THSD4: variants seen among roughly 807,000 people sequenced by gnomAD.
THSD4 encodes the protein thrombospondin type-1 domain-containing protein 4.
A neutral mutation model predicts 119.0 loss-of-function variants in THSD4; 69 were observed. That is an observed-to-expected ratio of 0.58 (90% CI 0.48 to 0.71). THSD4 has a LOEUF of 0.71. Ranked by LOEUF, THSD4 falls within the 30% of genes least tolerant of loss-of-function variation. The pLI is 0.00. For synonymous variants in THSD4, 524 were observed against 540.4 expected, an observed-to-expected ratio of 0.97 and a Z score of 0.42; for missense variants, 1,393 against 1,391.1, an observed-to-expected ratio of 1.00 and a Z score of -0.02.
chr15:71,166,693 G>T (rs954830422), intron 3 of THSD4, among the ~76,000 whole-genome samples: 1 of 152,058 alleles, frequency 6.6e-6, no homozygotes, highest in African/African-American at 2.4e-5. Context: ...TGCTCCCCCG[G>T]TGCTTTCCAG....
chr15:71,352,918 C>T (rs2045762392), intron 6 of THSD4, among the ~76,000 whole-genome samples: 1 of 152,232 alleles, frequency 6.6e-6, no homozygotes, highest in Admixed American at 6.5e-5. Context: ...GCATCGTGAG[C>T]AATGGCTCAC....
chr15:71,552,914 A>T (rs150225749), intron 7 of THSD4, among the ~76,000 whole-genome samples: 1 of 152,204 alleles, frequency 6.6e-6, no homozygotes, highest in African/African-American at 2.4e-5. Flanking sequence ...AATTATAGGC[A>T]TGAGCCACCG....
chr15:71,156,726 C>A (rs147226576), intron 3 of THSD4, among the ~76,000 whole-genome samples: 1 of 152,244 alleles, frequency 6.6e-6, no homozygotes, highest in Non-Finnish European at 1.5e-5. Flanking sequence ...TTTTTCTGGG[C>A]CAGGTATAAA....
chr15:71,777,834 T>C lies in THSD4; in HGVS notation c.*460T>C. 5.5e-6 allele frequency: 1 copy of C among 182,520 alleles called. No homozygotes were observed. The highest frequency in any genetic ancestry group is 1.2e-5 in the Non-Finnish European group (1 of 84,428). 11.3% of individuals were successfully genotyped at this position (182,520 alleles called of 1,614,324 possible). A position where few individuals can be genotyped will look rare whatever the true frequency, so the allele number is the denominator to read the frequency against. On this transcript the variant is annotated 3_prime_UTR_variant, in exon 18 of 18. Coordinates refer to ENST00000261862, the MANE Select transcript of THSD4 (RefSeq NM_024817.3). ...CCCCACTAAGCCTTGCTGACACGCG[T>C]GCATCCCTCTGTGACCTCAGCCCAG...
intron 7 of THSD4, among the ~76,000 whole-genome samples, chr15:71,639,844 A>G (rs1257920165): frequency 6.6e-6 from 1 of 152,010 alleles, no homozygotes; most frequent in Non-Finnish European, 1.5e-5. Flanking sequence ...AGCAAAAAAA[A>G]AAAAAAGAAA....
intron 6 of THSD4, among the ~76,000 whole-genome samples, chr15:71,396,260 T>C (rs1004642277): frequency 6.6e-5 from 10 of 151,376 alleles, no homozygotes; most frequent in Admixed American, 5.9e-4. Context: ...AATATACACA[T>C]ATGCATGTAC....
chr15:71,147,968 C>CAA (rs57726176), intron 2 of THSD4, among the ~76,000 whole-genome samples: 712 of 32,102 alleles, frequency 0.022, 73 homozygotes, highest in African/African-American at 0.028. Context: ...GACTCTGTCT[C>CAA]AAAAAAAAAA....
At chr15:71,749,255 A>G (rs2053399220) in intron 14 of THSD4, among the ~76,000 whole-genome samples, 3 of 152,260 alleles carry the variant, frequency 2.0e-5, no homozygotes, top group African/African-American at 7.2e-5. Context: ...TTCTACCACA[A>G]TCAAAAATGA....
intron 6 of THSD4, among the ~76,000 whole-genome samples, chr15:71,396,700 C>G (rs1413336851): frequency 6.6e-6 from 1 of 152,228 alleles, no homozygotes; most frequent in Non-Finnish European, 1.5e-5. Flanking sequence ...GTTGGCCAGA[C>G]TGGCTTACTA....
rs139303045 is a variant in THSD4, at chr15:71,308,846, C to T, written c.1015+52131C>T. On this transcript the variant is annotated intron_variant, in intron 6 of 17. Transcript: ENST00000261862. ...TTTCCACAGCAGCTGCAGCATTTTA[C>T]ATTTCCACCAGCAACGTATGAGGGT... Among the ~76,000 whole-genome samples the T allele has an allele frequency of 1.8e-3, 269 of 152,360 alleles. 1 individual carries two copies. Among genetic ancestry groups the T allele is most frequent in the Middle Eastern group, 6.8e-3 (2 of 294 alleles).
chr15:71,652,031 G>A (rs1040693046), intron 7 of THSD4, among the ~76,000 whole-genome samples: 5 of 152,178 alleles, frequency 3.3e-5, no homozygotes, highest in Non-Finnish European at 7.3e-5. Context: ...GGCCATCTGC[G>A]CTCAGGAGGC....
intron 7 of THSD4, among the ~76,000 whole-genome samples, chr15:71,477,928 C>T (rs2047675705): frequency 6.7e-6 from 1 of 149,056 alleles, no homozygotes; most frequent in African/African-American, 2.5e-5. Context: ...TGTAGCAGAG[C>T]TGTGTGCCCA....
intron 8 of THSD4, among the ~76,000 whole-genome samples, chr15:71,688,731 G>GTGTC (rs1227139515): frequency 2.0e-5 from 3 of 151,194 alleles, no homozygotes; most frequent in Admixed American, 2.0e-4. Flanking sequence ...GTGTGTGTGT[G>GTGTC]TGTGTGTGTG....
intron 7 of THSD4, among the ~76,000 whole-genome samples, chr15:71,432,488 C>G (rs1241599364): frequency 6.7e-6 from 1 of 149,744 alleles, no homozygotes; most frequent in Non-Finnish European, 1.5e-5. Flanking sequence ...GTAAAAACAG[C>G]ATGAAGCATA....
At chr15:71,101,810 C>A (rs2040254748) in intron 1 of THSD4, among the ~76,000 whole-genome samples, 1 of 151,834 alleles carries the variant, frequency 6.6e-6, no homozygotes, top group African/African-American at 2.4e-5. Flanking sequence ...ATCTCCCAGG[C>A]TCAAGCGATT....
At chr15:71,554,974 C>T (rs1389960398) in intron 7 of THSD4, among the ~76,000 whole-genome samples, 2 of 152,188 alleles carry the variant, frequency 1.3e-5, no homozygotes, top group Admixed American at 1.3e-4. Context: ...CCACTCCCCA[C>T]TCATGTCCTC....
chr15:71,746,251 TAAAA>T (rs146090114), intron 12 of THSD4, among the ~76,000 whole-genome samples: 3,098 of 152,194 alleles, frequency 0.02, 99 homozygotes, highest in African/African-American at 0.069. Context: ...TTTAATTAGA[TAAAA>T]ATCATTTGTA....
intron 6 of THSD4, among the ~76,000 whole-genome samples, chr15:71,356,549 G>T (rs1310288872): frequency 6.6e-6 from 1 of 152,160 alleles, no homozygotes. Context: ...TTGAATGAGT[G>T]AAGAGAAGAA....
chr15:71,758,063 G>A lies in THSD4; in HGVS notation c.2577G>A (p.Gly859=). 6.3e-7 allele frequency: 1 copy of A among 1,583,434 alleles called. No homozygotes were observed. Among genetic ancestry groups the A allele is most frequent in the Non-Finnish European group, 8.6e-7 (1 of 1,163,924 alleles). The part of the protein sequence containing the change: ...PCTGKVEWFA[G]SWSQCSIECG... ...CGGGCAAGGTGGAGTGGTTTGCCGG[G>A]AGCTGGAGTCAGGTGAGTGGCCAGA... The change falls in exon 15 of 18, where the codon GGG becomes GGA. Residue 859 remains glycine, a synonymous_variant. Coordinates refer to ENST00000261862, the MANE Select transcript of THSD4 (RefSeq NM_024817.3).
Sources: gnomAD v4.1 joint callset for allele counts (sites outside exome capture counted in the v4.1 genomes callset) on GRCh38, gnomAD v4.1.1 for gene constraint, MANE v1.5 for transcripts, NCBI Gene and HGNC (gene_info 2026-07-23, HGNC 2026-07-21) for gene names.